DSCAM: variants seen among roughly 807,000 people sequenced by gnomAD.
The protein encoded by DSCAM is DS cell adhesion molecule.
DSCAM carries 47 observed loss-of-function variants against 217.7 expected under a neutral mutation model. That is an observed-to-expected ratio of 0.22 (90% confidence interval 0.17 to 0.28). The LOEUF is 0.28. Among genes scored for constraint, DSCAM ranks in the 10% least tolerant of loss-of-function variants. DSCAM has a pLI of 1.00. For missense variants in DSCAM, 2,080 were observed against 2,618.3 expected (o/e 0.79, Z 4.49); for synonymous variants, 1,056 against 1,015.3 (o/e 1.04, Z -0.76).
At chr21:40,484,611 G>A (rs894987642) in intron 3 of DSCAM, among the ~76,000 whole-genome samples, 1 of 119,538 alleles carries the variant, frequency 8.4e-6, no homozygotes, top group African/African-American at 3.6e-5. Flanking sequence ...GAAACTCTTG[G>A]ATAATGTTCA....
At chr21:40,156,319 G>GAGAGAGAA (rs1555884502) in intron 16 of DSCAM, among the ~76,000 whole-genome samples, 1 of 149,446 alleles carries the variant, frequency 6.7e-6, no homozygotes, top group Admixed American at 6.7e-5. Context: ...GAGAGAGAGA[G>GAGAGAGAA]AGAGAGAGAG....
intron 1 of DSCAM, among the ~76,000 whole-genome samples, chr21:40,728,950 T>A (rs1185023784): frequency 1.3e-5 from 2 of 151,954 alleles, no homozygotes. Flanking sequence ...CACTCAGTGG[T>A]AATGCATCTA....
chr21:40,756,923 ATC>A (rs1272385810), intron 1 of DSCAM, among the ~76,000 whole-genome samples: 1 of 151,896 alleles, frequency 6.6e-6, no homozygotes, highest in Admixed American at 6.6e-5. Flanking sequence ...TGTGCGATTT[ATC>A]TCTGGAATAT....
At chr21:40,345,473 G>A (rs1269730241) in intron 6 of DSCAM, among the ~76,000 whole-genome samples, 1 of 151,994 alleles carries the variant, frequency 6.6e-6, no homozygotes. Context: ...GCTGATATAT[G>A]CTATTTTACC....
In DSCAM at chr21:40,802,716, C is replaced by CT. The variant is rs557767203; in HGVS notation, c.43+43902_43+43903insA. 3.9e-3 allele frequency among the ~76,000 whole-genome samples: 597 copies of CT among 152,342 alleles called. 5 individuals are homozygous for CT. The highest frequency in any genetic ancestry group is 0.014 in the African/African-American group (575 of 41,572). On this transcript the variant is annotated intron_variant, in intron 1 of 32. Coordinates refer to ENST00000400454, the MANE Select transcript of DSCAM (RefSeq NM_001389.5). ...TCTCAGCAGCACACTCAGCCCTTCA[C>CT]CATGTGATGGCCTGGGCTGCCTCAG... is the stretch of plus-strand genomic sequence containing the variant.
intron 3 of DSCAM, among the ~76,000 whole-genome samples, chr21:40,571,289 T>C (rs923673798): frequency 6.6e-6 from 1 of 152,082 alleles, no homozygotes; most frequent in African/African-American, 2.4e-5. Context: ...ATAAAAGCTA[T>C]AGAAGAGAGC....
At chr21:40,710,820 A>T (rs924499107) in intron 1 of DSCAM, among the ~76,000 whole-genome samples, 2 of 152,256 alleles carry the variant, frequency 1.3e-5, no homozygotes, top group East Asian at 3.8e-4. Context: ...ACCTAGTTAC[A>T]TATTTGTAAG....
intron 19 of DSCAM, among the ~76,000 whole-genome samples, chr21:40,127,328 T>C (rs1483701322): frequency 6.6e-6 from 1 of 152,180 alleles, no homozygotes; most frequent in African/African-American, 2.4e-5. Flanking sequence ...AAGACAGAGA[T>C]GGCATAGGAT....
intron 3 of DSCAM, among the ~76,000 whole-genome samples, chr21:40,680,141 T>C (rs896370998): frequency 3.3e-5 from 5 of 152,224 alleles, no homozygotes; most frequent in Non-Finnish European, 7.3e-5. Flanking sequence ...TATTTCCATT[T>C]TACAGTTGAG....
In DSCAM at chr21:40,846,745, C is replaced by G; in HGVS notation, c.-84G>C. 1 of 639,060 alleles carries G rather than the reference C, an allele frequency of 1.6e-6. No homozygotes were observed. Among genetic ancestry groups the G allele is most frequent in the Non-Finnish European group, 2.0e-6 (1 of 508,928 alleles). The allele number at this position is 639,060 out of a possible 1,614,324, so 39.6% of individuals were successfully genotyped here. ...GCCCGGCCCGGCTCCGCTCGCCGCT[C>G]GGCACCTGCCCGGGGGCCGCCGCCC... is the stretch of plus-strand genomic sequence containing the variant. On this transcript the variant is annotated 5_prime_UTR_variant, in exon 1 of 33. Transcript: ENST00000400454.
intron 20 of DSCAM, 104 bp downstream of exon 20, chr21:40,124,079 AACCACTGGAAAG>A (rs2090067036): frequency 6.9e-7 from 1 of 1,449,968 alleles, no homozygotes; most frequent in Non-Finnish European, 9.4e-7. Flanking sequence ...GGCAAAACAA[AACCACTGGAAAG>A]ACCCAGGTAG....
intron 3 of DSCAM, among the ~76,000 whole-genome samples, chr21:40,458,445 C>G (rs1034274610): frequency 6.6e-6 from 1 of 151,892 alleles, no homozygotes; most frequent in African/African-American, 2.4e-5. Flanking sequence ...CATTTTAAGT[C>G]TCGTACACAT....
intron 11 of DSCAM, among the ~76,000 whole-genome samples, chr21:40,196,321 C>T (rs551415293): frequency 1.3e-5 from 2 of 152,288 alleles, no homozygotes; most frequent in South Asian, 2.1e-4. Flanking sequence ...TTGGCTTTCT[C>T]ACCTGAGTCA....
chr21:40,067,709 C>A (rs2089228063), intron 27 of DSCAM, among the ~76,000 whole-genome samples: 1 of 87,334 alleles, frequency 1.1e-5, no homozygotes, highest in Non-Finnish European at 2.1e-5. Flanking sequence ...CCTTCCCCTC[C>A]CCTCCCCTCC....
intron 3 of DSCAM, among the ~76,000 whole-genome samples, chr21:40,620,430 G>A (rs2089494908): frequency 6.9e-6 from 1 of 144,906 alleles, no homozygotes; most frequent in African/African-American, 2.6e-5. Flanking sequence ...AGAAGAGGGA[G>A]GGGGAAGGGA....
At chr21:40,536,159 C>T (rs991354578) in intron 3 of DSCAM, among the ~76,000 whole-genome samples, 11 of 152,248 alleles carry the variant, frequency 7.2e-5, no homozygotes, top group South Asian at 2.1e-4. Context: ...TCAGCATGTT[C>T]GATTTTATGG....
Position 40,296,859 on chromosome 21 carries a change from G to A in DSCAM, c.2063-685C>T, listed in dbSNP as rs888916410. Among the ~76,000 whole-genome samples, 299 of 137,464 alleles carry A rather than the reference G, an allele frequency of 2.2e-3. 1 individual carries two copies. The highest frequency in any genetic ancestry group is 7.7e-3 in the African/African-American group (278 of 36,218). The allele number at this position is 137,464 out of a possible 152,430, so 90.2% of individuals were successfully genotyped here. On this transcript the variant is annotated intron_variant, in intron 9 of 32. Transcript: ENST00000400454. ...AAAAAAAAAAAAAAAAAAAAAAGTA[G>A]ATCAAATATATATTTGTGCCTCAAA...
chr21:40,827,592 A>T (rs1014902849), intron 1 of DSCAM, among the ~76,000 whole-genome samples: 2 of 151,844 alleles, frequency 1.3e-5, no homozygotes, highest in African/African-American at 2.4e-5. Flanking sequence ...AGACCTGATC[A>T]GTGTGTGTTC....
chr21:40,312,728 C>T (rs942116603), intron 8 of DSCAM, among the ~76,000 whole-genome samples: 1 of 152,180 alleles, frequency 6.6e-6, no homozygotes, highest in Admixed American at 6.5e-5. Flanking sequence ...TTCTTTCCTA[C>T]TTTGCGACTA....
Sources: gnomAD v4.1 joint callset for allele counts (sites outside exome capture counted in the v4.1 genomes callset) on GRCh38, gnomAD v4.1.1 for gene constraint, MANE v1.5 for transcripts, NCBI Gene and HGNC (gene_info 2026-07-23, HGNC 2026-07-21) for gene names.